Variants in PCYT1A observed in about 807,000 individuals in gnomAD.
The protein encoded by PCYT1A is choline-phosphate cytidylyltransferase A.
A neutral mutation model predicts 43.7 loss-of-function variants in PCYT1A; 25 were observed. That is an observed-to-expected ratio of 0.57 (90% CI 0.42 to 0.80). PCYT1A has a LOEUF of 0.80. Among genes scored for constraint, PCYT1A ranks in the 30% least tolerant of loss-of-function variants. PCYT1A has a pLI of 0.00. For missense variants in PCYT1A, 421 were observed against 474.2 expected, an observed-to-expected ratio of 0.89 and a Z score of 1.04; for synonymous variants, 172 against 170.7, an observed-to-expected ratio of 1.01 and a Z score of -0.06.
In PCYT1A at chr3:196,237,444, T is replaced by C. The variant is rs1036831971; in HGVS notation, c.*1244A>G. ...GTGTGTGAAAAGTGGGGAGAAAACC[T>C]ACCACACTCTTGTCACGTGAGGGTA... On this transcript the variant is annotated 3_prime_UTR_variant, in exon 9 of 9. Transcript: ENST00000431016. The C allele has an allele frequency of 2.0e-5, 3 of 152,212 alleles. No individual in the cohort carries two copies. The highest frequency in any genetic ancestry group is 7.2e-5 in the African/African-American group (3 of 41,444). 9.4% of individuals were successfully genotyped at this position (152,212 alleles called of 1,614,324 possible).
At chr3:196,279,884 GA>G (rs1395413674) in intron 1 of PCYT1A, among the ~76,000 whole-genome samples, 1 of 141,300 alleles carries the variant, frequency 7.1e-6, no homozygotes, top group Non-Finnish European at 1.5e-5. Flanking sequence ...GCCCAGGCTG[GA>G]GTACAATGGC....
intron 5 of PCYT1A, among the ~76,000 whole-genome samples, chr3:196,244,211 C>T (rs1724472786): frequency 6.7e-6 from 1 of 149,182 alleles, no homozygotes; most frequent in Non-Finnish European, 1.5e-5. Context: ...TGAGGAGCGC[C>T]TCTGCCCGGC....
intron 2 of PCYT1A, among the ~76,000 whole-genome samples, chr3:196,260,093 T>C (rs1725065671): frequency 6.6e-6 from 1 of 151,424 alleles, no homozygotes; most frequent in South Asian, 2.1e-4. Flanking sequence ...TGGCTGATTT[T>C]TGGATTTTTA....
At position 196,248,260 on chromosome 3, in the gene PCYT1A, C is replaced by T. The variant is rs1724631718; in HGVS notation, c.281G>A (p.Arg94Gln). ...AAGGTTCTTCGCTTGCATCAGAGCT[C>T]GGGCGTGACCAGAGTGAAATAAGTC... ...IFDLFHSGHA[R>Q]ALMQAKNLFP... Residue 94 changes from arginine (R) to glutamine (Q), a missense_variant, in exon 4 of 9, where the codon CGA becomes CAA. Transcript: ENST00000431016. The T allele has an allele frequency of 2.5e-6, 4 of 1,613,580 alleles. No individual in the cohort carries two copies. The highest frequency in any genetic ancestry group is 1.7e-5 in the Admixed American group (1 of 59,992).
intron 5 of PCYT1A, among the ~76,000 whole-genome samples, chr3:196,244,228 C>T (rs1407143187): frequency 6.8e-6 from 1 of 146,646 alleles, no homozygotes; most frequent in African/African-American, 2.5e-5. Context: ...CGGCCACGAC[C>T]CCGTCTGGGA....
intron 5 of PCYT1A, among the ~76,000 whole-genome samples, chr3:196,246,131 G>A (rs1296565007): frequency 2.6e-5 from 4 of 152,148 alleles, no homozygotes; most frequent in Non-Finnish European, 5.9e-5. Context: ...AGGTGTTGAT[G>A]TAGAAAAGCC....
chr3:196,257,943 AT>A lies in PCYT1A; in HGVS notation c.118-57del. 3 of 964,252 alleles carry A rather than the reference AT, an allele frequency of 3.1e-6. No homozygotes were observed. The South Asian group carries it at 4.3e-5, about 14-fold the overall frequency. 59.7% of individuals were successfully genotyped at this position (964,252 alleles called of 1,614,324 possible). A position where few individuals can be genotyped will look rare whatever the true frequency, so the allele number is the denominator to read the frequency against. On this transcript the variant is annotated intron_variant, in intron 2 of 8. Coordinates refer to ENST00000431016, the MANE Select transcript of PCYT1A (RefSeq NM_001312673.2). ...GTTCAACTCAATGGCATACACTGTA[AT>A]ACTAAAAAAAAAAAAGATGAGAGAA...
intron 3 of PCYT1A, among the ~76,000 whole-genome samples, chr3:196,250,875 T>TCAGATACACTATGCTGAGGCTGAGGAC (rs1724747846): frequency 6.7e-6 from 1 of 148,516 alleles, no homozygotes. Context: ...AGGTTGAGGA[T>TCAGATACACTATGCTGAGGCTGAGGAC]CAGATACACT....
chr3:196,279,826 C>CT lies in PCYT1A; in HGVS notation c.-11+7788dup, dbSNP rs397723929. Among the ~76,000 whole-genome samples, 425 of 50,826 alleles carry CT rather than the reference C, an allele frequency of 8.4e-3. 8 individuals carry two copies. Among genetic ancestry groups the CT allele is most frequent in the Middle Eastern group, 0.016 (1 of 64 alleles). The allele number at this position is 50,826 out of a possible 152,430, so 33.3% of individuals were successfully genotyped here. A position where few individuals can be genotyped will look rare whatever the true frequency, so the allele number is the denominator to read the frequency against. On this transcript the variant is annotated intron_variant, in intron 1 of 8. Coordinates refer to ENST00000431016, the MANE Select transcript of PCYT1A (RefSeq NM_001312673.2). ...TTTAGGGACTCCTATCCAGTCCTTT[C>CT]TTTTTTTTTTTTTTTTTTTTTTTTT...
chr3:196,236,169 T>C lies in PCYT1A; in HGVS notation c.*2519A>G, dbSNP rs966561831. On this transcript the variant is annotated 3_prime_UTR_variant, in exon 9 of 9. Coordinates refer to ENST00000431016, the MANE Select transcript of PCYT1A (RefSeq NM_001312673.2). ...GAGCAGAGGAAGAGGGCTCAAACAT[T>C]TGGGACCCAGACAATATATTTAGGA... 6 of 152,054 alleles carry C rather than the reference T, an allele frequency of 3.9e-5. No homozygotes were observed. The East Asian group carries it at 7.7e-4, about 20-fold the overall frequency. The allele number at this position is 152,054 out of a possible 1,614,324, so 9.4% of individuals were successfully genotyped here.
intron 1 of PCYT1A, among the ~76,000 whole-genome samples, chr3:196,286,622 G>C (rs1206392729): frequency 2.6e-5 from 4 of 152,116 alleles, no homozygotes; most frequent in African/African-American, 9.7e-5. Flanking sequence ...TAAAAGAAAA[G>C]TACAGGTTCA....
At chr3:196,270,172 T>C (rs181286742) in intron 2 of PCYT1A, among the ~76,000 whole-genome samples, 2 of 152,332 alleles carry the variant, frequency 1.3e-5, no homozygotes, top group African/African-American at 4.8e-5. Context: ...CATATTTCAA[T>C]AGTTTCAGCC....
chr3:196,256,790 G>A (rs1046974248), intron 3 of PCYT1A, among the ~76,000 whole-genome samples: 4 of 152,052 alleles, frequency 2.6e-5, no homozygotes, highest in Non-Finnish European at 5.9e-5. Flanking sequence ...TGATCTGCCC[G>A]CCTTGGTGTC....
rs1724848822 is a variant in PCYT1A, at chr3:196,252,994, T to G, written c.218-4671A>C. Among the ~76,000 whole-genome samples, 1 of 152,156 alleles carries G rather than the reference T, an allele frequency of 6.6e-6. No homozygotes were observed. Among genetic ancestry groups the G allele is most frequent in the Admixed American group, 6.5e-5 (1 of 15,280 alleles). ...TTGAGCATATAATCCCCCTTCTATGTCCCAGAAATCACTGCATTGGCTCTA... is the reference window on the plus strand; with the variant it reads ...TTGAGCATATAATCCCCCTTCTATGGCCCAGAAATCACTGCATTGGCTCTA... On this transcript the variant is annotated intron_variant, in intron 3 of 8. Transcript: ENST00000431016. This position sits in a 1 kb window ranked among gnomAD's most constrained non-coding sequence, Gnocchi z 4.0.
intron 1 of PCYT1A, among the ~76,000 whole-genome samples, chr3:196,279,938 A>G (rs1725709573): frequency 6.7e-6 from 1 of 149,634 alleles, no homozygotes; most frequent in Non-Finnish European, 1.5e-5. Flanking sequence ...GGGTTCAAGC[A>G]ATTCTCCTGC....
At chr3:196,253,351 T>C (rs1030141424) in intron 3 of PCYT1A, among the ~76,000 whole-genome samples, 2 of 95,912 alleles carry the variant, frequency 2.1e-5, no homozygotes, top group African/African-American at 6.9e-5. Context: ...AAAAAAAAAA[T>C]TGAAGTATCC....
intron 3 of PCYT1A, among the ~76,000 whole-genome samples, chr3:196,256,467 G>C (rs1045442399): frequency 7.2e-5 from 11 of 152,080 alleles, no homozygotes; most frequent in African/African-American, 2.2e-4. Flanking sequence ...GCCAGCCTGG[G>C]CAACAGAGTG....
intron 1 of PCYT1A, among the ~76,000 whole-genome samples, chr3:196,279,754 G>T (rs1241265941): frequency 1.3e-5 from 2 of 151,810 alleles, no homozygotes; most frequent in African/African-American, 4.8e-5. Context: ...CTAGGTGCTG[G>T]CATGTCTATG....
chr3:196,248,638 C>T (rs1724646222), intron 3 of PCYT1A, among the ~76,000 whole-genome samples: 1 of 152,118 alleles, frequency 6.6e-6, no homozygotes, highest in Non-Finnish European at 1.5e-5. Context: ...TCCCAAAGTG[C>T]TGGGATTACA....
Sources: gnomAD v4.1 joint callset for allele counts (sites outside exome capture counted in the v4.1 genomes callset) on GRCh38, gnomAD v4.1.1 for gene constraint, Gnocchi (gnomAD v3.1) non-coding constraint, MANE v1.5 for transcripts, NCBI Gene and HGNC (gene_info 2026-07-23, HGNC 2026-07-21) for gene names.